GEMIN5: variants seen among roughly 807,000 people sequenced by gnomAD.
GEMIN5 encodes the protein gem-associated protein 5.
A neutral mutation model predicts 176.9 loss-of-function variants in GEMIN5; 124 were observed. The ratio of observed to expected loss-of-function variants is 0.70; its 90% CI spans 0.61 to 0.81. The LOEUF (loss-of-function observed/expected upper bound fraction) is 0.81, where lower values mean the gene tolerates loss of function less well. GEMIN5 is among the 40% of genes least tolerant of loss of function. The pLI is 0.00. For synonymous variants in GEMIN5, 673 were observed against 665.2 expected, an observed-to-expected ratio of 1.01 and a Z score of -0.18; for missense variants, 1,843 against 1,814.6, an observed-to-expected ratio of 1.02 and a Z score of -0.28.
chr5:154,928,442 C>A, intron 6 of GEMIN5, 85 bp downstream of exon 6: 1 of 1,202,858 alleles, frequency 8.3e-7, no homozygotes. Flanking sequence ...CAAGCCTTGG[C>A]CATTACTTTC....
In GEMIN5 at chr5:154,912,968, A is replaced by G. The variant is rs1227149688; in HGVS notation, c.1926T>C (p.Ile642=). The change falls in exon 14 of 28, where the codon ATT becomes ATC. Residue 642 remains isoleucine, a synonymous_variant. Transcript: ENST00000285873. ...GATGTGGGCTCCACGCCACACTGGT[A>G]ATCTTGGCCGTATGCCCTGAGAGGG... is the stretch of plus-strand genomic sequence containing the variant. ...YRTLSGHTAK[I]TSVAWSPHHD... 2.5e-6 allele frequency: 4 copies of G among 1,613,466 alleles called. No individual in the cohort carries two copies. Among genetic ancestry groups the G allele is most frequent in the African/African-American group, 2.7e-5 (2 of 74,940 alleles).
chr5:154,935,657 A>G (rs1370489835), intron 3 of GEMIN5, among the ~76,000 whole-genome samples, 184 bp downstream of exon 3: 1 of 152,238 alleles, frequency 6.6e-6, no homozygotes, highest in South Asian at 2.1e-4. Context: ...AACCAAGGAA[A>G]CAAAAACGGA....
chr5:154,901,510 T>TA (rs1209744789), intron 20 of GEMIN5, 24 bp from the exon 21 acceptor site: 9 of 1,610,712 alleles, frequency 5.6e-6, no homozygotes, highest in Non-Finnish European at 7.6e-6. Flanking sequence ...AGATGGTGGT[T>TA]AAAAAAACAG....
intron 4 of GEMIN5, 186 bp from the exon 5 acceptor site, chr5:154,931,763 C>T: frequency 1.9e-6 from 1 of 538,716 alleles, no homozygotes; most frequent in Non-Finnish European, 3.2e-6. Flanking sequence ...GCCTGTAATC[C>T]CAGCATTTTG....
intron 3 of GEMIN5, among the ~76,000 whole-genome samples, chr5:154,933,298 A>C (rs1202076598): frequency 1.3e-5 from 2 of 152,228 alleles, no homozygotes; most frequent in Non-Finnish European, 2.9e-5. Flanking sequence ...TTAAAACTGC[A>C]CATAAATGCT....
intron 14 of GEMIN5, 39 bp from the exon 15 acceptor site, chr5:154,911,937 G>A: frequency 6.4e-7 from 1 of 1,569,156 alleles, no homozygotes; most frequent in Non-Finnish European, 8.7e-7. Context: ...ACATTTTCTG[G>A]TTATTCTATT....
intron 16 of GEMIN5, 45 bp from the exon 17 acceptor site, chr5:154,905,521 T>C: frequency 2.3e-6 from 2 of 878,264 alleles, no homozygotes; most frequent in Non-Finnish European, 1.8e-6. Flanking sequence ...AGGATAACAA[T>C]AATACAGAAT....
chr5:154,909,535 A>G (rs2113479454), intron 15 of GEMIN5, among the ~76,000 whole-genome samples: 1 of 126,192 alleles, frequency 7.9e-6, no homozygotes, highest in African/African-American at 2.8e-5. Flanking sequence ...ATTTTTAAAT[A>G]CTTTGGTACA....
At position 154,935,927 on chromosome 5, in the gene GEMIN5, T is replaced by G. The variant is rs776657699; in HGVS notation, c.423A>C (p.Arg141Ser). The change falls in exon 3 of 28, where the codon AGA becomes AGC. Residue 141 changes from arginine (R) to serine (S), a missense_variant. Transcript: ENST00000285873. ...CTATAAAGAGGTGCTGGCTGTCATT[T>G]CTGTTAAACCAGTAACAGAAAACTA... is the stretch of plus-strand genomic sequence containing the variant. ...KGVVFCYWFN[R>S]NDSQHLFIEP... The G allele has an allele frequency of 1.5e-5, 25 of 1,612,922 alleles. No individual in the cohort carries two copies. The highest frequency in any genetic ancestry group is 2.0e-5 in the Non-Finnish European group (24 of 1,178,998).
At chr5:154,922,939 G>A (rs1022628529) in intron 9 of GEMIN5, among the ~76,000 whole-genome samples, 7 of 151,840 alleles carry the variant, frequency 4.6e-5, no homozygotes, top group African/African-American at 1.5e-4. Flanking sequence ...CTCAGGATCC[G>A]CCCGCCTCAG....
Position 154,898,493 on chromosome 5 carries a change from C to T in GEMIN5, c.3292G>A (p.Ala1098Thr), listed in dbSNP as rs1763401134. 6.2e-7 allele frequency: 1 copy of T among 1,614,146 alleles called. No homozygotes were observed. Among genetic ancestry groups the T allele is most frequent in the Admixed American group, 1.7e-5 (1 of 60,012 alleles). ...TCCTGGGCTCCCACCCAGTTGTTGG[C>T]CAGAAGCAGCTCTTGGGCACATCTG... ...ALRCAQELLL[A>T]NNWVGAQEAL... Residue 1098 changes from alanine to threonine, a missense_variant, in exon 23 of 28, where the codon GCC (alanine) becomes ACC (threonine). Coordinates refer to ENST00000285873, the MANE Select transcript of GEMIN5 (RefSeq NM_015465.5).
intron 27 of GEMIN5, 112 bp from the exon 28 acceptor site, chr5:154,888,489 A>G: frequency 1.3e-6 from 1 of 759,806 alleles, no homozygotes; most frequent in Middle Eastern, 3.8e-4. Flanking sequence ...TCTTGGACAC[A>G]GCTGAGCCAG....
At chr5:154,933,645 C>T (rs938439419) in intron 3 of GEMIN5, among the ~76,000 whole-genome samples, 2 of 152,136 alleles carry the variant, frequency 1.3e-5, no homozygotes, top group Non-Finnish European at 2.9e-5. Flanking sequence ...CTACACATTA[C>T]AGCATTCGAC....
At chr5:154,919,468 A>G (rs1763877356) in intron 11 of GEMIN5, among the ~76,000 whole-genome samples, 1 of 152,362 alleles carries the variant, frequency 6.6e-6, no homozygotes, top group African/African-American at 2.4e-5. Flanking sequence ...GGATATAAGC[A>G]AATTATGTGT....
chr5:154,932,353 T>C, intron 3 of GEMIN5, 103 bp from the exon 4 acceptor site: 1 of 797,922 alleles, frequency 1.3e-6, no homozygotes, highest in South Asian at 1.7e-5. Flanking sequence ...TCCTTAAAGT[T>C]AGGTGCATTT....
chr5:154,924,558 C>T lies in GEMIN5; in HGVS notation c.1294-4G>A. 1 of 1,585,302 alleles carries T rather than the reference C, an allele frequency of 6.3e-7. No individual in the cohort carries two copies. Among genetic ancestry groups the T allele is most frequent in the Non-Finnish European group, 8.6e-7 (1 of 1,160,428 alleles). On this transcript the variant is annotated splice_polypyrimidine_tract_variant and splice_region_variant and intron_variant, in intron 8 of 27. Coordinates refer to ENST00000285873, the MANE Select transcript of GEMIN5 (RefSeq NM_015465.5). ...CCTTGGTTGGGTGCCAGCACAGCTA[C>T]AAAAAAAAGAGTTTCCAAGTGAGAA...
chr5:154,927,312 GA>G, intron 7 of GEMIN5, 72 bp downstream of exon 7: 1 of 954,418 alleles, frequency 1.0e-6, no homozygotes, highest in Non-Finnish European at 1.6e-6. Flanking sequence ...CAGGTGCTTT[GA>G]AAAAGCCCTC....
intron 24 of GEMIN5, among the ~76,000 whole-genome samples, chr5:154,893,252 C>T (rs1763276567): frequency 1.1e-5 from 1 of 92,250 alleles, no homozygotes; most frequent in Non-Finnish European, 2.1e-5. Flanking sequence ...GAAAGCCCGT[C>T]TCTAAAAAAA....
At position 154,927,294 on chromosome 5, in the gene GEMIN5, C is replaced by T. The variant is rs564154292; in HGVS notation, c.1080+91G>A. 1.6e-4 allele frequency: 115 copies of T among 739,220 alleles called. No homozygotes were observed. The East Asian group carries it at 2.3e-3, about 15-fold the overall frequency. 45.8% of individuals were successfully genotyped at this position (739,220 alleles called of 1,614,324 possible). On this transcript the variant is annotated intron_variant, in intron 7 of 27. Transcript: ENST00000285873. ...AATTGGAGTCAGGGGTGGAGTATTA[C>T]GACTTGACAGGTGCTTTGAAAAAGC... is the stretch of plus-strand genomic sequence containing the variant.
Sources: allele counts gnomAD v4.1 joint callset (sites outside exome capture counted in the v4.1 genomes callset), GRCh38; gene constraint gnomAD v4.1.1; transcripts MANE v1.5; gene names NCBI Gene and HGNC (gene_info 2026-07-23, HGNC 2026-07-21).